CHD6: variants seen among roughly 807,000 people sequenced by gnomAD.
CHD6 encodes chromodomain helicase DNA binding protein 6.
CHD6 carries 50 observed loss-of-function variants against 276.9 expected under a neutral mutation model. That is an observed-to-expected ratio of 0.18 (90% CI 0.14 to 0.23). CHD6 has a LOEUF of 0.23. Ranked by LOEUF, CHD6 falls within the 10% of genes least tolerant of loss-of-function variation. CHD6 has a pLI of 1.00. For missense variants in CHD6, 2,564 were observed against 3,365.8 expected, an observed-to-expected ratio of 0.76 and a Z score of 5.89; for synonymous variants, 1,173 against 1,229.3, an observed-to-expected ratio of 0.95 and a Z score of 0.96.
intron 1 of CHD6, among the ~76,000 whole-genome samples, chr20:41,582,014 T>C (rs565823819): frequency 2.8e-4 from 43 of 152,328 alleles, no homozygotes; most frequent in Non-Finnish European, 5.6e-4. Context: ...AGTGCATTTT[T>C]AAGATACATC....
At position 41,421,109 on chromosome 20, in the gene CHD6, C is replaced by T. The variant is rs538085998; in HGVS notation, c.5526G>A (p.Gln1842=). Residue 1842 remains glutamine, a synonymous_variant, in exon 31 of 37, where the codon CAG becomes CAA. Coordinates refer to ENST00000373233, the MANE Select transcript of CHD6 (RefSeq NM_032221.5). ...TGTTTTCCAATAAATCAATTAATTG[C>T]TGATCTGATGACAGGTTTCTTTTGG... ...CDSKRNLSSD[Q]QLIDLLENKS... 1 of 1,614,140 alleles carries T rather than the reference C, an allele frequency of 6.2e-7. No individual in the cohort carries two copies. The highest frequency in any genetic ancestry group is 1.1e-5 in the South Asian group (1 of 91,072).
At chr20:41,562,425 T>C (rs1465647297) in intron 1 of CHD6, among the ~76,000 whole-genome samples, 1 of 152,170 alleles carries the variant, frequency 6.6e-6, no homozygotes, top group Non-Finnish European at 1.5e-5. Context: ...ATTTCTCATA[T>C]ATTCAAGCTC....
At chr20:41,567,982 C>T (rs1425445102) in intron 1 of CHD6, among the ~76,000 whole-genome samples, 1 of 151,800 alleles carries the variant, frequency 6.6e-6, no homozygotes, top group Non-Finnish European at 1.5e-5. Context: ...GGCTAAAAAT[C>T]CAAAATATTC....
chr20:41,427,281 T>G (rs1386884578), intron 27 of CHD6, among the ~76,000 whole-genome samples: 3 of 151,864 alleles, frequency 2.0e-5, no homozygotes, highest in African/African-American at 7.3e-5. Flanking sequence ...TTTGGGCCCC[T>G]GATACGACGC....
intron 1 of CHD6, among the ~76,000 whole-genome samples, chr20:41,605,551 C>T (rs2146295079): frequency 6.6e-6 from 1 of 152,200 alleles, no homozygotes; most frequent in South Asian, 2.1e-4. Context: ...ATAAACCTTC[C>T]ATATGTTGTT....
chr20:41,569,671 C>G (rs1364439683), intron 1 of CHD6, among the ~76,000 whole-genome samples: 1 of 151,926 alleles, frequency 6.6e-6, no homozygotes, highest in African/African-American at 2.4e-5. Context: ...CCCTCCACAT[C>G]CTCAGAATTA....
At chr20:41,603,006 G>A (rs920950057) in intron 1 of CHD6, among the ~76,000 whole-genome samples, 15 of 152,268 alleles carry the variant, frequency 9.9e-5, no homozygotes, top group Middle Eastern at 6.8e-3. Flanking sequence ...AAAGATTAGA[G>A]AATAGAAAAT....
chr20:41,530,362 G>A (rs1439416416), intron 3 of CHD6, among the ~76,000 whole-genome samples: 1 of 152,200 alleles, frequency 6.6e-6, no homozygotes, highest in African/African-American at 2.4e-5. Context: ...TGGACTGAGG[G>A]AGGAAAAGGC....
chr20:41,596,890 T>C (rs780718793), intron 1 of CHD6, among the ~76,000 whole-genome samples: 17 of 152,102 alleles, frequency 1.1e-4, no homozygotes, highest in Non-Finnish European at 1.2e-4. Flanking sequence ...AGAGGAACCT[T>C]TGAGGGAGGC....
chr20:41,512,767 A>C, intron 5 of CHD6, 79 bp downstream of exon 5: 1 of 1,533,564 alleles, frequency 6.5e-7, no homozygotes, highest in Non-Finnish European at 8.9e-7. Context: ...ATGCTTTAGC[A>C]AAGGCCAAGA....
intron 36 of CHD6, among the ~76,000 whole-genome samples, chr20:41,409,987 T>C (rs1465205198): frequency 6.6e-6 from 1 of 152,194 alleles, no homozygotes; most frequent in East Asian, 1.9e-4. Context: ...GCATTAAAAA[T>C]TGAATCCCAC....
chr20:41,408,201 G>T (rs2145373129), intron 36 of CHD6, among the ~76,000 whole-genome samples: 1 of 136,998 alleles, frequency 7.3e-6, no homozygotes, highest in African/African-American at 2.8e-5. Context: ...GTTATATTTA[G>T]TCCCCTTCGT....
intron 1 of CHD6, among the ~76,000 whole-genome samples, chr20:41,606,951 G>C (rs1224842736): frequency 6.6e-6 from 1 of 152,096 alleles, no homozygotes; most frequent in African/African-American, 2.4e-5. Context: ...CTGGAGTATA[G>C]AGTACAAACC....
At chr20:41,447,621 AC>A (rs2048110638) in intron 24 of CHD6, among the ~76,000 whole-genome samples, 1 of 152,120 alleles carries the variant, frequency 6.6e-6, no homozygotes, top group Admixed American at 6.5e-5. Context: ...AAAATTTATA[AC>A]ACTTTTGAGG....
intron 2 of CHD6, among the ~76,000 whole-genome samples, chr20:41,545,456 A>G (rs1405399297): frequency 6.6e-6 from 1 of 152,174 alleles, no homozygotes; most frequent in Non-Finnish European, 1.5e-5. Context: ...CTTTTGAAAC[A>G]TGATTCTAGG....
At chr20:41,432,195 C>T (rs1267149208) in intron 27 of CHD6, among the ~76,000 whole-genome samples, 1 of 148,886 alleles carries the variant, frequency 6.7e-6, no homozygotes, top group Non-Finnish European at 1.5e-5. Context: ...GAGGTGGCTT[C>T]CTGCTCTCTC....
chr20:41,596,422 G>A (rs2045718090), intron 1 of CHD6, among the ~76,000 whole-genome samples: 1 of 152,124 alleles, frequency 6.6e-6, no homozygotes, highest in African/African-American at 2.4e-5. Context: ...CACTTGGGCT[G>A]AGTTAATGTC....
intron 2 of CHD6, among the ~76,000 whole-genome samples, chr20:41,540,462 T>C (rs1205879771): frequency 2.0e-5 from 3 of 152,246 alleles, no homozygotes; most frequent in African/African-American, 7.2e-5. Context: ...AGAAAAATTT[T>C]ACAGACTTCT....
chr20:41,455,537 CT>C (rs1472361870), intron 19 of CHD6, among the ~76,000 whole-genome samples: 1 of 152,188 alleles, frequency 6.6e-6, no homozygotes, highest in East Asian at 1.9e-4. Context: ...ACAGAGCCAA[CT>C]GAGAATAGGA....
Sources: gnomAD v4.1 joint callset for allele counts (sites outside exome capture counted in the v4.1 genomes callset) on GRCh38, gnomAD v4.1.1 for gene constraint, MANE v1.5 for transcripts, NCBI Gene and HGNC (gene_info 2026-07-23, HGNC 2026-07-21) for gene names.